ADIPOR2: variants seen among roughly 807,000 people sequenced by gnomAD.
ADIPOR2 encodes the protein adiponectin receptor 2.
Under a neutral mutation model 40.9 loss-of-function variants are expected in ADIPOR2, and 18 were observed. The observed-to-expected ratio is 0.44, with a 90% CI of 0.30 to 0.65. The LOEUF is 0.65. Among genes scored for constraint, ADIPOR2 ranks in the 30% least tolerant of loss-of-function variants. The pLI is 0.09. For synonymous variants in ADIPOR2, 165 were observed against 166.4 expected (o/e 0.99, Z 0.06); for missense variants, 283 against 479.2 (o/e 0.59, Z 3.82).
chr12:1,765,524 T>G (rs1032327748), intron 2 of ADIPOR2, among the ~76,000 whole-genome samples: 1 of 152,176 alleles, frequency 6.6e-6, no homozygotes, highest in Non-Finnish European at 1.5e-5. Context: ...AAAAAGCACT[T>G]AGTACAATGT....
At chr12:1,706,536 A>G (rs1426443155) in intron 1 of ADIPOR2, among the ~76,000 whole-genome samples, 18 of 152,212 alleles carry the variant, frequency 1.2e-4, no homozygotes, top group Admixed American at 1.2e-3. Context: ...TAGTTTCTCA[A>G]AATTTTGTGT....
intron 1 of ADIPOR2, among the ~76,000 whole-genome samples, chr12:1,695,334 C>T (rs1380641869): frequency 6.8e-6 from 1 of 146,518 alleles, no homozygotes; most frequent in East Asian, 2.0e-4. Context: ...GTCTGGGCAA[C>T]ACAGCATGAC....
chr12:1,769,370 G>A lies in ADIPOR2; in HGVS notation c.172-3472G>A, dbSNP rs534826117. On this transcript the variant is annotated intron_variant, in intron 2 of 7. Transcript: ENST00000357103. ...CTGCATTTACCACCACCCACACCAC[G>A]TGGATACCGCATTAGCAACTCCGTT... Among the ~76,000 whole-genome samples the A allele has an allele frequency of 9.2e-5, 14 of 152,250 alleles. No individual in the cohort carries two copies. The East Asian group carries it at 1.2e-3, about 13-fold the overall frequency.
In ADIPOR2 at chr12:1,772,823, T is replaced by C. The variant is rs756755039; in HGVS notation, c.172-19T>C. The stretch of plus-strand genomic sequence containing the variant: ...GCTCCCAGTCTCTGTCCTTGACTGT[T>C]TCTGTGATTGCCTTGCAGAGCTCTG... On this transcript the variant is annotated intron_variant, in intron 2 of 7. Coordinates refer to ENST00000357103, the MANE Select transcript of ADIPOR2 (RefSeq NM_024551.3). 26 of 1,597,584 alleles carry C rather than the reference T, an allele frequency of 1.6e-5. No individual in the cohort carries two copies. The highest frequency in any genetic ancestry group is 4.3e-6 in the Non-Finnish European group (5 of 1,171,670).
At chr12:1,758,039 A>G (rs1471060909) in intron 2 of ADIPOR2, 1 of 699,428 alleles carries the variant, frequency 1.4e-6, no homozygotes, top group South Asian at 1.6e-5. Flanking sequence ...AAAGCAAAAT[A>G]TATTTTTAGA....
intron 1 of ADIPOR2, among the ~76,000 whole-genome samples, chr12:1,743,409 C>T (rs1425164892): frequency 2.0e-5 from 3 of 151,566 alleles, no homozygotes; most frequent in Non-Finnish European, 4.4e-5. Flanking sequence ...GGCACATTAG[C>T]TCATGCCTGT....
intron 3 of ADIPOR2, among the ~76,000 whole-genome samples, chr12:1,777,001 CA>C (rs1402194458): frequency 6.6e-6 from 1 of 152,090 alleles, no homozygotes; most frequent in African/African-American, 2.4e-5. Context: ...TAGTTAATGC[CA>C]GGGGTCCACA....
At chr12:1,747,217 A>G (rs1468487795) in intron 1 of ADIPOR2, among the ~76,000 whole-genome samples, 3 of 152,208 alleles carry the variant, frequency 2.0e-5, no homozygotes, top group African/African-American at 4.8e-5. Context: ...TATGCCATAA[A>G]ATTAGTCTTA....
At chr12:1,738,515 T>G (rs1332303096) in intron 1 of ADIPOR2, among the ~76,000 whole-genome samples, 3 of 152,248 alleles carry the variant, frequency 2.0e-5, no homozygotes, top group African/African-American at 4.8e-5. Flanking sequence ...GAGTTTCTCC[T>G]TCTTCCTATT....
At chr12:1,771,392 T>TA (rs761395094) in intron 2 of ADIPOR2, among the ~76,000 whole-genome samples, 79 of 128,388 alleles carry the variant, frequency 6.2e-4, no homozygotes, top group South Asian at 2.0e-3. Flanking sequence ...TGTCTCAAAC[T>TA]AAAAAAAAAA....
chr12:1,778,015 A>G lies in ADIPOR2; in HGVS notation c.453A>G (p.Thr151=). ...ACACAGAAACAGGCAACATTTGGAC[A>G]CATCTCTTAGGTATGTAATGTCAGT... The part of the protein sequence containing the change: ...RIHTETGNIW[T]HLLGCVFFLC... The change falls in exon 4 of 8, where the codon ACA becomes ACG. Residue 151 remains threonine (T), a synonymous_variant. Coordinates refer to ENST00000357103, the MANE Select transcript of ADIPOR2 (RefSeq NM_024551.3). 1.2e-6 allele frequency: 2 copies of G among 1,613,348 alleles called. No individual in the cohort carries two copies. Among genetic ancestry groups the G allele is most frequent in the African/African-American group, 1.3e-5 (1 of 74,976 alleles).
chr12:1,698,716 G>A lies in ADIPOR2; in HGVS notation c.-87+7525G>A, dbSNP rs2094644346. Among the ~76,000 whole-genome samples, 3 of 152,066 alleles carry A rather than the reference G, an allele frequency of 2.0e-5. No individual in the cohort carries two copies. In the South Asian group the frequency reaches 6.2e-4, roughly 32 times the overall value. On this transcript the variant is annotated intron_variant, in intron 1 of 7. Transcript: ENST00000357103. ...TACATTTTATGTATATTTATTGCAA[G>A]CTAATTCCCCTTTAGTAATTTTGTA...
At chr12:1,725,850 ATTTC>A in intron 1 of ADIPOR2, among the ~76,000 whole-genome samples, 1 of 152,158 alleles carries the variant, frequency 6.6e-6, no homozygotes, top group Non-Finnish European at 1.5e-5. Context: ...AATGATTTTA[ATTTC>A]TTTTTTTTCC....
chr12:1,743,234 A>AAAAAAAC lies in ADIPOR2; in HGVS notation c.-86-11018_-86-11017insCAAAAAA, dbSNP rs1291895879. On this transcript the variant is annotated intron_variant, in intron 1 of 7. Coordinates refer to ENST00000357103, the MANE Select transcript of ADIPOR2 (RefSeq NM_024551.3). ...TGGTGAAACCCCATCTCTACCAAAA[A>AAAAAAAC]AAAAAAAAAAAACAAAGCAGTGAGC... Among the ~76,000 whole-genome samples the AAAAAAAC allele has an allele frequency of 3.8e-4, 49 of 128,564 alleles. 1 individual carries two copies. Among genetic ancestry groups the AAAAAAAC allele is most frequent in the African/African-American group, 1.1e-3 (43 of 37,806 alleles). The allele number at this position is 128,564 out of a possible 152,430, so 84.3% of individuals were successfully genotyped here.
At chr12:1,740,644 G>C (rs566168283) in intron 1 of ADIPOR2, among the ~76,000 whole-genome samples, 1 of 152,314 alleles carries the variant, frequency 6.6e-6, no homozygotes, top group African/African-American at 2.4e-5. Context: ...GGGAATTTCT[G>C]ATAGAAACTT....
chr12:1,772,657 G>C (rs1312175115), intron 2 of ADIPOR2, 185 bp from the exon 3 acceptor site: 1 of 574,050 alleles, frequency 1.7e-6, no homozygotes, highest in African/African-American at 1.9e-5. Context: ...GAGAAGAATT[G>C]AGTACTAGTG....
intron 1 of ADIPOR2, among the ~76,000 whole-genome samples, chr12:1,692,693 G>T (rs567327341): frequency 1.6e-4 from 24 of 148,656 alleles, no homozygotes; most frequent in Middle Eastern, 3.5e-3. Flanking sequence ...TAAATAAATG[G>T]TTTTTTCTAT....
chr12:1,741,593 A>G (rs1220700481), intron 1 of ADIPOR2, among the ~76,000 whole-genome samples: 1 of 152,226 alleles, frequency 6.6e-6, no homozygotes, highest in Non-Finnish European at 1.5e-5. Flanking sequence ...CAATCATTAA[A>G]TAGGAAAACA....
intron 1 of ADIPOR2, among the ~76,000 whole-genome samples, chr12:1,708,940 G>A (rs916305817): frequency 5.9e-5 from 9 of 152,126 alleles, no homozygotes; most frequent in African/African-American, 1.2e-4. Flanking sequence ...GGCTGGTCTC[G>A]AACTCTTGAC....
Sources: allele counts gnomAD v4.1 joint callset (sites outside exome capture counted in the v4.1 genomes callset), GRCh38; gene constraint gnomAD v4.1.1; transcripts MANE v1.5; gene names NCBI Gene and HGNC (gene_info 2026-07-23, HGNC 2026-07-21).